NOL11: variants seen among roughly 807,000 people sequenced by gnomAD.
NOL11 encodes nucleolar protein 11.
In NOL11, 42 loss-of-function variants were observed where a neutral mutation model predicts 93.0. That is an observed-to-expected ratio of 0.45 (90% CI 0.35 to 0.58). The LOEUF (loss-of-function observed/expected upper bound fraction) is 0.58. NOL11 is among the 20% of genes least tolerant of loss of function. The pLI is 0.00. For missense variants in NOL11, 775 were observed against 841.8 expected (o/e 0.92, Z 0.98); for synonymous variants, 296 against 293.7 (o/e 1.01, Z -0.08).
At chr17:67,727,254 C>T (rs1225760001) in intron 7 of NOL11, among the ~76,000 whole-genome samples, 1 of 152,238 alleles carries the variant, frequency 6.6e-6, no homozygotes, top group East Asian at 1.9e-4. Flanking sequence ...CCTTTTCCAA[C>T]CTTTTCTCCC....
At chr17:67,720,078 A>C in intron 3 of NOL11, 116 bp downstream of exon 3, 1 of 948,956 alleles carries the variant, frequency 1.1e-6, no homozygotes, top group Non-Finnish European at 1.5e-6. Flanking sequence ...ATAAGGTCCT[A>C]ATCAGGTTTT....
intron 1 of NOL11, chr17:67,718,992 T>C (rs1567797278): frequency 6.6e-6 from 1 of 152,240 alleles, no homozygotes; most frequent in African/African-American, 2.4e-5. Context: ...GAGGCATAAC[T>C]TCCCATGCAG....
chr17:67,736,978 G>A, intron 10 of NOL11, 93 bp from the exon 11 acceptor site: 1 of 868,148 alleles, frequency 1.2e-6, no homozygotes, highest in Admixed American at 2.2e-5. Flanking sequence ...GAGCAAAAGT[G>A]TGCTAATCTC....
intron 16 of NOL11, among the ~76,000 whole-genome samples, chr17:67,740,205 A>T (rs1056394501): frequency 6.6e-6 from 1 of 151,578 alleles, no homozygotes; most frequent in African/African-American, 2.4e-5. Flanking sequence ...ACTGCACTCC[A>T]GTCTGGGCAA....
rs1471952917 is a variant in NOL11 at position 67,719,981 on chromosome 17, C to T, written c.312+19C>T. 1.3e-6 allele frequency: 2 copies of T among 1,536,250 alleles called. No individual in the cohort carries two copies. Among genetic ancestry groups the T allele is most frequent in the South Asian group, 1.2e-5 (1 of 81,130 alleles). ...AGCTACAGTAAGTCTTTGAATTTTC[C>T]AACATATTTGTTTAGCTTATTGGTG... On this transcript the variant is annotated intron_variant, in intron 3 of 17. Transcript: ENST00000253247.
chr17:67,736,108 T>A, intron 9 of NOL11, 85 bp downstream of exon 9: 2 of 1,257,448 alleles, frequency 1.6e-6, no homozygotes, highest in Non-Finnish European at 2.2e-6. Flanking sequence ...GCCTTCTATT[T>A]GTAAAGCTTT....
Position 67,721,416 on chromosome 17 carries a change from GA to G in NOL11, c.352del (p.Thr118GlnfsTer15), listed in dbSNP as rs1412513970. The G allele has an allele frequency of 6.2e-7, 1 of 1,613,090 alleles. No individual in the cohort carries two copies. Among genetic ancestry groups the G allele is most frequent in the African/African-American group, 1.3e-5 (1 of 74,852 alleles). On this transcript the variant is annotated frameshift_variant, in exon 4 of 18. Coordinates refer to ENST00000253247, the MANE Select transcript of NOL11 (RefSeq NM_015462.5). LOFTEE classifies it high-confidence loss of function. Reference sequence around the variant, plus strand: ...TATATAGGATACTTTCAGTGCAAGGGACAGAACCCTTGGTGCTCTTCAAGGA... The same window carrying G: ...TATATAGGATACTTTCAGTGCAAGGGCAGAACCCTTGGTGCTCTTCAAGGA... Reference protein sequence around the residue: ...EVYRILSVQGTEPLVLFKEGA... With the variant: ...EVYRILSVQGXEPLVLFKEGA...
chr17:67,724,043 T>TA lies in NOL11; in HGVS notation c.520-6_520-5insA. On this transcript the variant is annotated splice_polypyrimidine_tract_variant and splice_region_variant and intron_variant, in intron 5 of 17. Transcript: ENST00000253247. ...ATATTTATAAAATAACCTTTTTTTT[T>TA]TGCAGCATGGAAATTACTTTGCTTA... is the stretch of plus-strand genomic sequence containing the variant. The TA allele has an allele frequency of 6.5e-7, 1 of 1,529,814 alleles. No homozygotes were observed. The allele number at this position is 1,529,814 out of a possible 1,614,324, so 94.8% of individuals were successfully genotyped here.
At position 67,723,370 on chromosome 17, in the gene NOL11, A is replaced by AT. The variant is rs568396700; in HGVS notation, c.520-642dup. 9.5e-4 allele frequency among the ~76,000 whole-genome samples: 58 copies of AT among 60,774 alleles called. 4 individuals carry two copies. Among genetic ancestry groups the AT allele is most frequent in the African/African-American group, 1.6e-3 (25 of 15,586 alleles). The allele number at this position is 60,774 out of a possible 152,430, so 39.9% of individuals were successfully genotyped here. A position where few individuals can be genotyped will look rare whatever the true frequency, so the allele number is the denominator to read the frequency against. On this transcript the variant is annotated intron_variant, in intron 5 of 17. Transcript: ENST00000253247. ...TCGTTATTCTCTCAGAAGATCTCTA[A>AT]TTTTTTTTTTTTTTTTTTTTTTTTT...
chr17:67,725,906 C>T (rs1333869655), intron 6 of NOL11, among the ~76,000 whole-genome samples: 1 of 152,162 alleles, frequency 6.6e-6, no homozygotes, highest in Middle Eastern at 3.4e-3. Context: ...ATAGCGAGAC[C>T]CTATGTCTAA....
In NOL11 at chr17:67,740,609, CA is replaced by C. The variant is rs11439892; in HGVS notation, c.1935+1016del. Reference sequence around the variant, plus strand: ...GGGCGACAAGAGTGATACTCCGTCTCAAAAAAAAAAAAAAACTTATTTAAAA... The same window carrying C: ...GGGCGACAAGAGTGATACTCCGTCTCAAAAAAAAAAAAAACTTATTTAAAA... On this transcript the variant is annotated intron_variant, in intron 16 of 17. Coordinates refer to ENST00000253247, the MANE Select transcript of NOL11 (RefSeq NM_015462.5). 0.018 allele frequency: 2,398 copies of C among 136,044 alleles called. 182 individuals carry two copies. In the East Asian group the frequency reaches 0.26, roughly 15 times the overall value. 8.4% of individuals were successfully genotyped at this position (136,044 alleles called of 1,614,324 possible).
chr17:67,732,194 TC>T (rs1401420250), intron 7 of NOL11, among the ~76,000 whole-genome samples: 1 of 152,156 alleles, frequency 6.6e-6, no homozygotes. Context: ...TTAAATTTAT[TC>T]CTAGGGACCG....
At chr17:67,738,100 T>C in intron 13 of NOL11, 22 bp from the exon 14 acceptor site, 1 of 1,582,364 alleles carries the variant, frequency 6.3e-7, no homozygotes, top group African/African-American at 1.4e-5. Flanking sequence ...GATTAACCTC[T>C]TGCTTTCAAC....
Position 67,723,609 on chromosome 17 carries a change from G to A in NOL11, c.520-440G>A, listed in dbSNP as rs2055056549. Among the ~76,000 whole-genome samples, 5 of 151,444 alleles carry A rather than the reference G, an allele frequency of 3.3e-5. No individual in the cohort carries two copies. The South Asian group carries it at 1.0e-3, about 32-fold the overall frequency. On this transcript the variant is annotated intron_variant, in intron 5 of 17. Coordinates refer to ENST00000253247, the MANE Select transcript of NOL11 (RefSeq NM_015462.5). ...TTGCCATATTGGTCAGGCTGGTCTCGAACTCCTGACCTTGTGATCCACCGA... is the reference window on the plus strand; with the variant it reads ...TTGCCATATTGGTCAGGCTGGTCTCAAACTCCTGACCTTGTGATCCACCGA...
intron 7 of NOL11, 100 bp from the exon 8 acceptor site, chr17:67,734,263 T>C (rs1284647953): frequency 4.3e-6 from 3 of 698,060 alleles, no homozygotes; most frequent in Non-Finnish European, 7.6e-6. Context: ...ATTTCTATAC[T>C]AAAGCAAAGC....
chr17:67,727,596 G>T (rs942063081), intron 7 of NOL11, among the ~76,000 whole-genome samples: 1 of 151,884 alleles, frequency 6.6e-6, no homozygotes, highest in Non-Finnish European at 1.5e-5. Flanking sequence ...GGTGGAGGTC[G>T]CAGTGAGCCA....
chr17:67,735,027 C>T (rs904674348), intron 8 of NOL11, among the ~76,000 whole-genome samples: 1 of 152,188 alleles, frequency 6.6e-6, no homozygotes, highest in Non-Finnish European at 1.5e-5. Context: ...ACTATACCCT[C>T]AAGCTGTTAC....
chr17:67,742,957 C>T (rs2055269090), intron 16 of NOL11, among the ~76,000 whole-genome samples: 1 of 152,082 alleles, frequency 6.6e-6, no homozygotes. Context: ...AATAAAAAGA[C>T]AACTACTGGC....
chr17:67,743,338 G>T, intron 16 of NOL11, 141 bp from the exon 17 acceptor site: 2 of 447,968 alleles, frequency 4.5e-6, no homozygotes, highest in Non-Finnish European at 4.0e-6. Context: ...CGTAGAAATT[G>T]CTCCATCTCT....
Sources: gnomAD v4.1 joint callset for allele counts (sites outside exome capture counted in the v4.1 genomes callset) on GRCh38, gnomAD v4.1.1 for gene constraint, MANE v1.5 for transcripts, NCBI Gene and HGNC (gene_info 2026-07-23, HGNC 2026-07-21) for gene names.